The following GOLGA1 variants were observed in gnomAD, a reference collection of about 807,000 sequenced individuals.
The protein encoded by GOLGA1 is golgin subfamily A member 1.
GOLGA1 carries 63 observed loss-of-function variants against 119.7 expected under a neutral mutation model. The observed-to-expected ratio is 0.53, with a 90% CI of 0.43 to 0.65. The LOEUF (loss-of-function observed/expected upper bound fraction) is 0.65. Among genes scored for constraint, GOLGA1 ranks in the 30% least tolerant of loss-of-function variants. GOLGA1 has a pLI of 0.00. For synonymous variants in GOLGA1, 318 were observed against 333.4 expected, an observed-to-expected ratio of 0.95 and a Z score of 0.50; for missense variants, 798 against 912.8, an observed-to-expected ratio of 0.87 and a Z score of 1.62.
chr9:124,908,700 C>T (rs1830278565), intron 11 of GOLGA1, among the ~76,000 whole-genome samples: 1 of 152,208 alleles, frequency 6.6e-6, no homozygotes, highest in Non-Finnish European at 1.5e-5. Flanking sequence ...AAAAATTACA[C>T]AATAGAGTAC....
Position 124,889,306 on chromosome 9 carries a change from A to AGGTC in GOLGA1, c.1601-7_1601-4dup, listed in dbSNP as rs755478195. On this transcript the variant is annotated splice_polypyrimidine_tract_variant and splice_region_variant and intron_variant, in intron 17 of 22. Coordinates refer to ENST00000373555, the MANE Select transcript of GOLGA1 (RefSeq NM_002077.4). Reference sequence around the variant, plus strand: ...CTGCAGCAGGGCAGAGTTGTGACCTAGGTCGGGGAGGAGGGGAGGGGGCAC... The same window carrying AGGTC: ...CTGCAGCAGGGCAGAGTTGTGACCTAGGTCGGTCGGGGAGGAGGGGAGGGGGCAC... 2 of 1,612,784 alleles carry AGGTC rather than the reference A, an allele frequency of 1.2e-6. No individual in the cohort carries two copies. The highest frequency in any genetic ancestry group is 1.7e-6 in the Non-Finnish European group (2 of 1,179,224).
chr9:124,929,380 T>C, intron 4 of GOLGA1, 90 bp from the exon 5 acceptor site: 1 of 830,888 alleles, frequency 1.2e-6, no homozygotes, highest in African/African-American at 1.7e-5. Context: ...GAAATGATGA[T>C]GATTTTCTTA....
At chr9:124,931,237 C>T (rs1188718389) in intron 4 of GOLGA1, 79 bp downstream of exon 4, 3 of 761,862 alleles carry the variant, frequency 3.9e-6, no homozygotes, top group Non-Finnish European at 7.3e-6. Context: ...TAAAGTCATC[C>T]TATATGGCTA....
intron 12 of GOLGA1, among the ~76,000 whole-genome samples, chr9:124,907,767 T>C (rs1358189422): frequency 1.3e-5 from 2 of 152,106 alleles, no homozygotes; most frequent in Non-Finnish European, 2.9e-5. Flanking sequence ...CCACACTCAG[T>C]AAACTGGCAA....
chr9:124,895,427 G>C (rs1396221178), intron 15 of GOLGA1, among the ~76,000 whole-genome samples: 4 of 135,290 alleles, frequency 3.0e-5, no homozygotes, highest in African/African-American at 2.9e-5. Flanking sequence ...CCACAACAGA[G>C]AACCCTCCAC....
At chr9:124,895,465 C>T (rs1424562505) in intron 15 of GOLGA1, among the ~76,000 whole-genome samples, 4 of 148,450 alleles carry the variant, frequency 2.7e-5, no homozygotes, top group Non-Finnish European at 4.5e-5. Flanking sequence ...AACAGAGAAC[C>T]CTCCACAACA....
At chr9:124,906,765 A>G (rs2131435998) in intron 12 of GOLGA1, among the ~76,000 whole-genome samples, 1 of 152,354 alleles carries the variant, frequency 6.6e-6, no homozygotes, top group Middle Eastern at 3.4e-3. Flanking sequence ...AAGAAAAAAA[A>G]GATACCATCA....
intron 2 of GOLGA1, among the ~76,000 whole-genome samples, chr9:124,939,284 T>C (rs1182545355): frequency 6.6e-6 from 1 of 151,966 alleles, no homozygotes; most frequent in Admixed American, 6.6e-5. Flanking sequence ...TTAGTGTTCT[T>C]TAAGTTGAAG....
intron 11 of GOLGA1, among the ~76,000 whole-genome samples, chr9:124,911,419 G>A (rs989092903): frequency 6.6e-6 from 1 of 152,216 alleles, no homozygotes; most frequent in African/African-American, 2.4e-5. Context: ...AATGTGTGCA[G>A]ACAATGAGCT....
chr9:124,914,358 G>A (rs181071637), intron 10 of GOLGA1, among the ~76,000 whole-genome samples: 5 of 152,256 alleles, frequency 3.3e-5, no homozygotes, highest in African/African-American at 4.8e-5. Flanking sequence ...AAAATTAGCC[G>A]GACGTGGTGG....
At chr9:124,937,511 G>A (rs1830898588) in intron 3 of GOLGA1, among the ~76,000 whole-genome samples, 1 of 151,656 alleles carries the variant, frequency 6.6e-6, no homozygotes, top group African/African-American at 2.4e-5. Flanking sequence ...GGCACCTGCA[G>A]TCCCAGCTAC....
At chr9:124,926,634 GTTACC>G (rs1830678026) in intron 7 of GOLGA1, 70 bp downstream of exon 7, 1 of 896,992 alleles carries the variant, frequency 1.1e-6, no homozygotes, top group African/African-American at 1.6e-5. Context: ...CAGTATGTTG[GTTACC>G]GGATAAAACG....
At chr9:124,922,025 T>C (rs1830580238) in intron 8 of GOLGA1, 133 bp from the exon 9 acceptor site, 2 of 727,032 alleles carry the variant, frequency 2.8e-6, no homozygotes, top group Non-Finnish European at 2.4e-6. Context: ...GTCAGGAGTT[T>C]GAGACCAGCC....
chr9:124,930,994 C>T (rs950139287), intron 4 of GOLGA1, among the ~76,000 whole-genome samples: 9 of 152,314 alleles, frequency 5.9e-5, no homozygotes, highest in Admixed American at 2.0e-4. Flanking sequence ...AATACTAACG[C>T]CATCCCTTTC....
At chr9:124,945,120 T>C (rs1444323513), upstream of GOLGA1, 1 of 152,208 alleles carries the variant, frequency 6.6e-6, no homozygotes, top group Non-Finnish European at 1.5e-5. Context: ...ACCCAATTTA[T>C]AGTCTATGAT....
intron 9 of GOLGA1, 57 bp from the exon 10 acceptor site, chr9:124,921,297 T>A: frequency 1.0e-6 from 1 of 954,920 alleles, no homozygotes; most frequent in South Asian, 1.3e-5. Context: ...TAATATACAG[T>A]CTTCTGCAGG....
In GOLGA1 at chr9:124,888,333, C is replaced by T. The variant is rs1188743947; in HGVS notation, c.1825G>A (p.Gly609Ser). ...GTGAGATCCATGGCCCCAACCTCACCATTTGGTGTTCTTCCTGCAGTTGGA... is the reference window on the plus strand; with the variant it reads ...GTGAGATCCATGGCCCCAACCTCACTATTTGGTGTTCTTCCTGCAGTTGGA... Reference protein sequence around the residue: ...QLPTAGRTPNGEVGAMDLTQL... With the variant: ...QLPTAGRTPNSEVGAMDLTQL... Residue 609 changes from glycine (G) to serine (S), a missense_variant, in exon 19 of 23, where the codon GGT becomes AGT. Transcript: ENST00000373555. This position sits in a 1 kb window ranked among gnomAD's most constrained non-coding sequence, Gnocchi z 4.4. 6.2e-7 allele frequency: 1 copy of T among 1,613,724 alleles called. No homozygotes were observed. The highest frequency in any genetic ancestry group is 8.5e-7 in the Non-Finnish European group (1 of 1,179,748).
intron 19 of GOLGA1, among the ~76,000 whole-genome samples, chr9:124,887,835 C>T (rs370247831): frequency 2.6e-5 from 4 of 152,160 alleles, no homozygotes; most frequent in Non-Finnish European, 5.9e-5. Flanking sequence ...GTTTATAGGA[C>T]GGTTCACAAA....
chr9:124,926,322 G>GC (rs1308293951), intron 7 of GOLGA1, among the ~76,000 whole-genome samples: 1 of 152,180 alleles, frequency 6.6e-6, no homozygotes, highest in Non-Finnish European at 1.5e-5. Context: ...GCTGAAGAGA[G>GC]CCCACATGGA....
Sources: allele counts gnomAD v4.1 joint callset (sites outside exome capture counted in the v4.1 genomes callset), GRCh38; gene constraint gnomAD v4.1.1; non-coding constraint Gnocchi (gnomAD v3.1); transcripts MANE v1.5; gene names NCBI Gene and HGNC (gene_info 2026-07-23, HGNC 2026-07-21).